Variants in ZMIZ1 observed in about 807,000 individuals in gnomAD.
ZMIZ1 encodes zinc finger MIZ domain-containing protein 1.
Under a neutral mutation model 113.9 loss-of-function variants are expected in ZMIZ1, and 17 were observed. The observed-to-expected ratio is 0.15, with a 90% CI of 0.10 to 0.22. The LOEUF (loss-of-function observed/expected upper bound fraction) is 0.22, where lower values mean the gene tolerates loss of function less well. Ranked by LOEUF, ZMIZ1 falls within the 10% of genes least tolerant of loss-of-function variation. The pLI is 1.00. For missense variants in ZMIZ1, 1,059 were observed against 1,477.8 expected, an observed-to-expected ratio of 0.72 and a Z score of 4.65; for synonymous variants, 607 against 603.1, an observed-to-expected ratio of 1.01 and a Z score of -0.09.
In ZMIZ1 at chr10:79,299,135, G is replaced by C; in HGVS notation, c.1752G>C (p.Ala584=). Residue 584 remains alanine, a synonymous_variant, in exon 16 of 25, where the codon GCG becomes GCC. Coordinates refer to ENST00000334512, the MANE Select transcript of ZMIZ1 (RefSeq NM_020338.4). ...CCTTCCGCCTGGAGCACAACCTGGCGGTCAGCAACCATGTGTTCCACCTGC... is the reference window on the plus strand; with the variant it reads ...CCTTCCGCCTGGAGCACAACCTGGCCGTCAGCAACCATGTGTTCCACCTGC... ...LEPFRLEHNL[A]VSNHVFHLRP... is the part of the protein sequence containing the mutation. 6.2e-7 allele frequency: 1 copy of C among 1,611,660 alleles called. No homozygotes were observed. The highest frequency in any genetic ancestry group is 1.1e-5 in the South Asian group (1 of 91,072).
chr10:79,146,045 C>T (rs561417308), intron 3 of ZMIZ1, among the ~76,000 whole-genome samples: 9 of 152,282 alleles, frequency 5.9e-5, no homozygotes, highest in African/African-American at 2.2e-4. Flanking sequence ...TTGGCCATGC[C>T]TTTCATTTTT....
In ZMIZ1 at chr10:79,210,858, A is replaced by C. The variant is rs925054347; in HGVS notation, c.174+2409A>C. Among the ~76,000 whole-genome samples, 5 of 152,070 alleles carry C rather than the reference A, an allele frequency of 3.3e-5. No individual in the cohort carries two copies. In the East Asian group the frequency reaches 9.7e-4, roughly 29 times the overall value. ...CATCTTTTGAGGGCAGGATGGAGGG[A>C]TCATGGAGGGCTTCCTGGAGGAGGG... On this transcript the variant is annotated intron_variant, in intron 6 of 24. Coordinates refer to ENST00000334512, the MANE Select transcript of ZMIZ1 (RefSeq NM_020338.4).
intron 7 of ZMIZ1, among the ~76,000 whole-genome samples, chr10:79,263,795 G>A (rs1471515769): frequency 6.6e-6 from 1 of 152,128 alleles, no homozygotes; most frequent in African/African-American, 2.4e-5. Flanking sequence ...CTTGCCGTCT[G>A]TGAAGTCCGG....
chr10:79,127,786 A>T (rs899116070), intron 2 of ZMIZ1, among the ~76,000 whole-genome samples: 1 of 152,258 alleles, frequency 6.6e-6, no homozygotes, highest in African/African-American at 2.4e-5. Flanking sequence ...AGGAGAGGCC[A>T]CCAGTCTCTG....
At chr10:79,087,599 T>C (rs894629180) in intron 1 of ZMIZ1, among the ~76,000 whole-genome samples, 5 of 152,228 alleles carry the variant, frequency 3.3e-5, no homozygotes, top group African/African-American at 1.2e-4. Context: ...TGGCTACCAG[T>C]GTGAACCTGA....
chr10:79,092,621 A>G (rs1268974), intron 1 of ZMIZ1, among the ~76,000 whole-genome samples: 99,307 of 152,108 alleles, frequency 0.65, 32,638 homozygotes, highest in African/African-American at 0.74. Flanking sequence ...GTTTCTGTGT[A>G]CGCTTCTTGG....
rs1589622851 is a variant in ZMIZ1 at position 79,311,011 on chromosome 10, C to T, written c.2923C>T (p.Pro975Ser). The T allele has an allele frequency of 6.2e-7, 1 of 1,614,020 alleles. No homozygotes were observed. The highest frequency in any genetic ancestry group is 2.2e-5 in the East Asian group (1 of 44,874). Residue 975 changes from proline to serine, a missense_variant, in exon 24 of 25, where the codon CCA becomes TCA. Coordinates refer to ENST00000334512, the MANE Select transcript of ZMIZ1 (RefSeq NM_020338.4). ...VPHPSSQSGP[P>S]LHHSGAPPPP... ...ACACCCCAGCAGCCAGTCAGGGCCT[C>T]CATTACATCACAGTGGGGCTCCTCC... is the stretch of plus-strand genomic sequence containing the variant.
chr10:79,248,493 G>C (rs1850346046), intron 7 of ZMIZ1, among the ~76,000 whole-genome samples: 1 of 152,198 alleles, frequency 6.6e-6, no homozygotes, highest in South Asian at 2.1e-4. Flanking sequence ...CCTGCTTCTA[G>C]GAGCAGGGCT....
chr10:79,186,978 T>C (rs1412135853), intron 4 of ZMIZ1, among the ~76,000 whole-genome samples: 4 of 152,144 alleles, frequency 2.6e-5, no homozygotes, highest in African/African-American at 9.7e-5. Context: ...CCTCTCCTCC[T>C]CCAGGAAGCC....
At chr10:79,283,927 A>G (rs1392892104) in intron 8 of ZMIZ1, among the ~76,000 whole-genome samples, 3 of 152,254 alleles carry the variant, frequency 2.0e-5, no homozygotes, top group Non-Finnish European at 4.4e-5. Flanking sequence ...CATTAGCAGT[A>G]ACACTACAGC....
chr10:79,258,801 G>T (rs78286722), intron 7 of ZMIZ1, among the ~76,000 whole-genome samples: 271 of 152,310 alleles, frequency 1.8e-3, no homozygotes, highest in Non-Finnish European at 3.1e-3. Flanking sequence ...CCCAAGGCCT[G>T]CCCCAGGGCA....
At chr10:79,137,853 G>A (rs923507941) in intron 2 of ZMIZ1, among the ~76,000 whole-genome samples, 4 of 152,110 alleles carry the variant, frequency 2.6e-5, no homozygotes, top group East Asian at 1.9e-4. Flanking sequence ...TAGGGTGGGC[G>A]CTGTGGGCCC....
intron 2 of ZMIZ1, among the ~76,000 whole-genome samples, chr10:79,135,530 G>T (rs1339088583): frequency 6.6e-6 from 1 of 152,212 alleles, no homozygotes; most frequent in African/African-American, 2.4e-5. Context: ...GTTTCCCCTG[G>T]CATTGATAGG....
At chr10:79,099,982 C>T (rs909852979) in intron 1 of ZMIZ1, among the ~76,000 whole-genome samples, 6 of 152,088 alleles carry the variant, frequency 3.9e-5, no homozygotes, top group Admixed American at 3.9e-4. Flanking sequence ...CACTTATCAC[C>T]ACAGTGCAGG....
intron 23 of ZMIZ1, among the ~76,000 whole-genome samples, chr10:79,308,517 T>C (rs1214835594): frequency 1.3e-5 from 2 of 152,082 alleles, no homozygotes; most frequent in African/African-American, 4.8e-5. Context: ...AGTCTGGCAG[T>C]GGGCTTGGGT....
chr10:79,312,188 C>T (rs906303704), intron 24 of ZMIZ1, among the ~76,000 whole-genome samples: 10 of 152,342 alleles, frequency 6.6e-5, no homozygotes, highest in Middle Eastern at 6.8e-3. Context: ...CAAGGAGTGG[C>T]GAGCCCTTGA....
chr10:79,120,955 G>A (rs1844264705), intron 2 of ZMIZ1, among the ~76,000 whole-genome samples: 1 of 152,192 alleles, frequency 6.6e-6, no homozygotes, highest in South Asian at 2.1e-4. Context: ...GCCCAGCTTT[G>A]GTACAACAAC....
intron 2 of ZMIZ1, among the ~76,000 whole-genome samples, chr10:79,133,679 C>T (rs531145582): frequency 2.0e-5 from 3 of 152,290 alleles, no homozygotes; most frequent in Admixed American, 2.0e-4. Flanking sequence ...CCCCCCTCCC[C>T]CTTATTCCTT....
chr10:79,274,791 C>T (rs142529699), intron 7 of ZMIZ1, among the ~76,000 whole-genome samples: 65 of 152,380 alleles, frequency 4.3e-4, no homozygotes, highest in African/African-American at 1.5e-3. Flanking sequence ...CGCAGCCAGC[C>T]TGCCTTTATT....
Sources: gnomAD v4.1 joint callset for allele counts (sites outside exome capture counted in the v4.1 genomes callset) on GRCh38, gnomAD v4.1.1 for gene constraint, MANE v1.5 for transcripts, NCBI Gene and HGNC (gene_info 2026-07-23, HGNC 2026-07-21) for gene names.